Variants in PPARGC1A observed in about 807,000 individuals in gnomAD.
PPARGC1A encodes PPARG coactivator 1 alpha.
In PPARGC1A, 25 loss-of-function variants were observed where a neutral mutation model predicts 88.7. The ratio of observed to expected loss-of-function variants is 0.28; its 90% CI spans 0.21 to 0.39. The LOEUF (loss-of-function observed/expected upper bound fraction) is 0.39. Ranked by LOEUF, PPARGC1A falls within the 10% of genes least tolerant of loss-of-function variation. The pLI is 1.00. For synonymous variants in PPARGC1A, 363 were observed against 355.6 expected (o/e 1.02, Z -0.24); for missense variants, 880 against 968.7 (o/e 0.91, Z 1.22).
the PPARGC1A span, among the ~76,000 whole-genome samples, chr4:24,358,490 A>C: frequency 1.3e-5 from 2 of 152,196 alleles, no homozygotes; most frequent in South Asian, 4.1e-4. Context: ...TCTCTTAACC[A>C]CAGTGCTCTG....
At chr4:24,472,689 C>T in the PPARGC1A span, among the ~76,000 whole-genome samples, 1 of 151,384 alleles carries the variant, frequency 6.6e-6, no homozygotes. The surrounding 1 kb of genome is among the most constrained non-coding windows in gnomAD (Gnocchi z 4.5). Flanking sequence ...GCCGCCGCCG[C>T]TGCCGCCTTC....
chr4:24,399,436 A>G, the PPARGC1A span, among the ~76,000 whole-genome samples: 1 of 152,154 alleles, frequency 6.6e-6, no homozygotes, highest in Non-Finnish European at 1.5e-5. Context: ...CTGTTCTGAA[A>G]ATTTCTCTGA....
chr4:24,054,074 C>A, the PPARGC1A span, among the ~76,000 whole-genome samples: 2 of 152,100 alleles, frequency 1.3e-5, no homozygotes, highest in African/African-American at 4.8e-5. Flanking sequence ...AGATTTGGGT[C>A]ATGAGCTAAC....
At position 23,814,501 on chromosome 4, in the gene PPARGC1A, A is replaced by G; in HGVS notation, c.982T>C (p.Ser328Pro). The G allele has an allele frequency of 2.5e-6, 4 of 1,613,248 alleles. No individual in the cohort carries two copies. The highest frequency in any genetic ancestry group is 3.4e-6 in the Non-Finnish European group (4 of 1,179,798). Residue 328 changes from serine to proline, a missense_variant, in exon 8 of 13, where the codon TCA becomes CCA. Transcript: ENST00000264867. ...SSCKTVVPPP[S>P]KKPRYSESSG... is the part of the protein sequence containing the mutation. ...GACTCACTGTACCTGGGCTTCTTTG[A>G]TGGTGGTGGCACCACAGTCTTGCAA...
chr4:24,154,085 C>A, the PPARGC1A span, among the ~76,000 whole-genome samples: 1 of 151,940 alleles, frequency 6.6e-6, no homozygotes, highest in Non-Finnish European at 1.5e-5. Context: ...TTGAAATTGA[C>A]AACCACTGTT....
intron 2 of PPARGC1A, chr4:23,881,952 A>G (rs2148823977): frequency 6.6e-6 from 1 of 152,330 alleles, no homozygotes; most frequent in Non-Finnish European, 1.5e-5. Flanking sequence ...CTGGTTTCAT[A>G]CGAACCTTCT....
the PPARGC1A span, among the ~76,000 whole-genome samples, chr4:24,254,199 T>C: frequency 2.0e-5 from 3 of 152,312 alleles, no homozygotes; most frequent in African/African-American, 7.2e-5. Flanking sequence ...TCTTCTAAGT[T>C]CTTTCCATAT....
chr4:24,417,086 G>A, the PPARGC1A span, among the ~76,000 whole-genome samples: 1 of 151,074 alleles, frequency 6.6e-6, no homozygotes, highest in African/African-American at 2.4e-5. Context: ...AGGAACTCAA[G>A]TAACAGTGAC....
the PPARGC1A span, among the ~76,000 whole-genome samples, chr4:24,123,303 A>T: frequency 6.6e-6 from 1 of 152,108 alleles, no homozygotes; most frequent in African/African-American, 2.4e-5. Context: ...TTGCAGCAAG[A>T]TCCCTGAAAC....
the PPARGC1A span, among the ~76,000 whole-genome samples, chr4:24,007,957 G>T: frequency 1.7e-3 from 260 of 152,204 alleles, 1 homozygote; most frequent in Non-Finnish European, 3.1e-3. Flanking sequence ...CCATTCCGTC[G>T]TCTCCCGCTC....
At chr4:24,216,943 T>C in the PPARGC1A span, among the ~76,000 whole-genome samples, 1 of 152,206 alleles carries the variant, frequency 6.6e-6, no homozygotes, top group East Asian at 1.9e-4. Context: ...ACCACTGTTA[T>C]AAAGACCACA....
At chr4:24,148,405 C>T in the PPARGC1A span, among the ~76,000 whole-genome samples, 1 of 152,100 alleles carries the variant, frequency 6.6e-6, no homozygotes, top group East Asian at 1.9e-4. Context: ...ATGATCACTC[C>T]CTCTTATGAA....
the PPARGC1A span, among the ~76,000 whole-genome samples, chr4:24,461,958 CACTA>C: frequency 0.2 from 30,597 of 152,082 alleles, 3,886 homozygotes; most frequent in African/African-American, 0.35. Flanking sequence ...CTCCCTAAAG[CACTA>C]ACTGTTTTCT....
the PPARGC1A span, among the ~76,000 whole-genome samples, chr4:23,970,950 G>A: frequency 5.9e-5 from 9 of 151,988 alleles, no homozygotes; most frequent in East Asian, 3.9e-4. Flanking sequence ...ATTCAGCACC[G>A]TGTAGCTGCA....
At chr4:24,158,635 C>T in the PPARGC1A span, among the ~76,000 whole-genome samples, 2 of 152,172 alleles carry the variant, frequency 1.3e-5, no homozygotes, top group African/African-American at 4.8e-5. Flanking sequence ...CTGACCAATT[C>T]CTCATTATCT....
At chr4:24,292,164 C>G in the PPARGC1A span, among the ~76,000 whole-genome samples, 1 of 152,092 alleles carries the variant, frequency 6.6e-6, no homozygotes. Flanking sequence ...TGCTCTCACC[C>G]CTGCATGTGG....
chr4:23,809,003 A>G (rs1720384858), intron 10 of PPARGC1A, among the ~76,000 whole-genome samples: 2 of 151,476 alleles, frequency 1.3e-5, no homozygotes, highest in African/African-American at 4.9e-5. Context: ...CCCTAAATAT[A>G]TGATTGCTTT....
chr4:23,838,827 C>T (rs1445087666), intron 2 of PPARGC1A, among the ~76,000 whole-genome samples: 2 of 152,148 alleles, frequency 1.3e-5, no homozygotes, highest in East Asian at 3.8e-4. Flanking sequence ...CTCAAGCACA[C>T]ATATTTAAAA....
chr4:24,144,933 GTTT>G, the PPARGC1A span, among the ~76,000 whole-genome samples: 1 of 145,358 alleles, frequency 6.9e-6, no homozygotes, highest in African/African-American at 2.5e-5. Context: ...AACATTTCAG[GTTT>G]TTTTTTTTTT....
Sources: gnomAD v4.1 joint callset for allele counts (sites outside exome capture counted in the v4.1 genomes callset) on GRCh38, gnomAD v4.1.1 for gene constraint, Gnocchi (gnomAD v3.1) non-coding constraint, MANE v1.5 for transcripts, NCBI Gene and HGNC (gene_info 2026-07-23, HGNC 2026-07-21) for gene names.